CDH3: variants seen among roughly 807,000 people sequenced by gnomAD.
The protein encoded by CDH3 is cadherin 3.
In CDH3, 54 loss-of-function variants were observed where a neutral mutation model predicts 82.0. The ratio of observed to expected loss-of-function variants is 0.66; its 90% CI spans 0.53 to 0.83. CDH3 has a LOEUF of 0.83. CDH3 is among the 40% of genes least tolerant of loss of function. CDH3 has a pLI of 0.00. For synonymous variants in CDH3, 446 were observed against 437.9 expected (o/e 1.02, Z -0.23); for missense variants, 1,054 against 1,084.6 (o/e 0.97, Z 0.40).
Position 68,698,159 on chromosome 16 carries a change from C to T in CDH3, c.2281-32C>T, listed in dbSNP as rs189179742. 503 of 1,605,904 alleles carry T rather than the reference C, an allele frequency of 3.1e-4. 2 individuals carry two copies. In the African/African-American group the frequency reaches 5.4e-3, roughly 17 times the overall value. ...GCAGCTGGCAAGAGGCAGGACCCGC[C>T]GCTCCTAACTACCTGTTCTCTGTTG... is the stretch of plus-strand genomic sequence containing the variant. On this transcript the variant is annotated intron_variant, in intron 15 of 15. Transcript: ENST00000264012.
intron 1 of CDH3, among the ~76,000 whole-genome samples, chr16:68,721,229 CTTTTTTTT>C (rs71148941): frequency 8.7e-6 from 1 of 114,586 alleles, no homozygotes; most frequent in African/African-American, 3.4e-5. Flanking sequence ...GCAGTTTAGT[CTTTTTTTT>C]TTTTTTTTTT....
chr16:68,679,061 A>G (rs1961127929), intron 6 of CDH3, among the ~76,000 whole-genome samples, 155 bp downstream of exon 6: 1 of 152,202 alleles, frequency 6.6e-6, no homozygotes, highest in African/African-American at 2.4e-5. Flanking sequence ...AGGTTCCTGA[A>G]TAAGAATGAT....
At chr16:68,668,026 C>T (rs1055952150) in intron 2 of CDH3, among the ~76,000 whole-genome samples, 1 of 152,172 alleles carries the variant, frequency 6.6e-6, no homozygotes, top group African/African-American at 2.4e-5. Flanking sequence ...CATTTAGGCT[C>T]AGTGCTAAAA....
downstream of CDH3, among the ~76,000 whole-genome samples, chr16:68,728,110 A>G: frequency 6.6e-6 from 1 of 152,174 alleles, no homozygotes; most frequent in Non-Finnish European, 1.5e-5. Flanking sequence ...TAAATAATAA[A>G]TAAAACGATA....
chr16:68,676,310 G>C, intron 2 of CDH3, 75 bp from the exon 3 acceptor site: 1 of 1,025,680 alleles, frequency 9.7e-7, no homozygotes, highest in Non-Finnish European at 1.5e-6. Flanking sequence ...GAGGACTCTT[G>C]TCAGTCTTGT....
At chr16:68,668,214 C>A (rs777787491) in intron 2 of CDH3, among the ~76,000 whole-genome samples, 4 of 152,194 alleles carry the variant, frequency 2.6e-5, no homozygotes, top group Non-Finnish European at 5.9e-5. Context: ...AAATTCTGAA[C>A]TATTGCCCCA....
downstream of CDH3, among the ~76,000 whole-genome samples, chr16:68,731,750 T>C (rs1962295884): frequency 6.6e-6 from 1 of 151,466 alleles, no homozygotes; most frequent in African/African-American, 2.4e-5. Flanking sequence ...GGTGGGAGGA[T>C]TGGCTTGAGC....
At chr16:68,654,991 G>GCAC (rs1960375211) in intron 2 of CDH3, among the ~76,000 whole-genome samples, 1 of 152,064 alleles carries the variant, frequency 6.6e-6, no homozygotes, top group African/African-American at 2.4e-5. Flanking sequence ...AGCCGAGATT[G>GCAC]CACCACTGCA....
chr16:68,663,410 A>G (rs1488744428), intron 2 of CDH3, among the ~76,000 whole-genome samples: 1 of 149,516 alleles, frequency 6.7e-6, no homozygotes, highest in African/African-American at 2.5e-5. Context: ...TTTTTTTTGT[A>G]TTTTTAGTAG....
intron 1 of CDH3, among the ~76,000 whole-genome samples, chr16:68,715,241 C>A (rs969998840): frequency 3.3e-5 from 5 of 151,738 alleles, no homozygotes; most frequent in African/African-American, 1.2e-4. Context: ...GCCGTGCCAA[C>A]ATAGCAAAAC....
At chr16:68,675,510 A>G (rs1034081422) in intron 2 of CDH3, among the ~76,000 whole-genome samples, 21 of 152,282 alleles carry the variant, frequency 1.4e-4, no homozygotes, top group Admixed American at 1.4e-3. Context: ...AATCTTTGGA[A>G]AGGCGGCTGG....
intron 1 of CDH3, among the ~76,000 whole-genome samples, chr16:68,715,639 A>G (rs1962086521): frequency 6.6e-6 from 1 of 152,188 alleles, no homozygotes; most frequent in Non-Finnish European, 1.5e-5. Flanking sequence ...CTTGGTGCAC[A>G]GCATTTTAAT....
intron 2 of CDH3, among the ~76,000 whole-genome samples, chr16:68,647,413 A>G (rs1474707912): frequency 6.6e-6 from 1 of 152,116 alleles, no homozygotes; most frequent in African/African-American, 2.4e-5. Context: ...AGCAGTGATC[A>G]GGTTTTCGAT....
At chr16:68,686,288 C>A (rs557418573) in intron 11 of CDH3, 1 of 691,536 alleles carries the variant, frequency 1.4e-6, no homozygotes, top group Non-Finnish European at 2.6e-6. Context: ...TGCACCCAGG[C>A]GGTCTTTTCA....
intron 7 of CDH3, 113 bp from the exon 8 acceptor site, chr16:68,680,855 G>T: frequency 8.5e-7 from 1 of 1,174,876 alleles, no homozygotes; most frequent in Non-Finnish European, 1.3e-6. Flanking sequence ...CGTTATGATA[G>T]GGAGAGATCC....
At position 68,691,863 on chromosome 16, in the gene CDH3, T is replaced by G; in HGVS notation, c.1939T>G (p.Cys647Gly). 1 of 1,614,118 alleles carries G rather than the reference T, an allele frequency of 6.2e-7. No individual in the cohort carries two copies. Among genetic ancestry groups the G allele is most frequent in the Non-Finnish European group, 8.5e-7 (1 of 1,180,026 alleles). Residue 647 changes from cysteine (C) to glycine (G), a missense_variant, in exon 13 of 16, where the codon TGC (cysteine) becomes GGC (glycine). Coordinates refer to ENST00000264012, the MANE Select transcript of CDH3 (RefSeq NM_001793.6). Reference sequence around the variant, plus strand: ...CGACTGCCATGGCCATGTCGAAACCTGCCCTGGACCCTGGAAGGGAGGTTT... The same window carrying G: ...CGACTGCCATGGCCATGTCGAAACCGGCCCTGGACCCTGGAAGGGAGGTTT... ...VCDCHGHVET[C>G]PGPWKGGFIL... is the part of the protein sequence containing the mutation.
chr16:68,695,406 G>A, intron 14 of CDH3, 21 bp downstream of exon 14: 1 of 1,594,998 alleles, frequency 6.3e-7, no homozygotes, highest in Non-Finnish European at 8.5e-7. Flanking sequence ...GGGGGCTCTG[G>A]GATTGGGAGG....
chr16:68,696,912 T>C (rs190580282), intron 15 of CDH3: 2 of 152,058 alleles, frequency 1.3e-5, no homozygotes, highest in Non-Finnish European at 2.9e-5. Flanking sequence ...ACAAACAACA[T>C]GCACACAGCG....
intron 1 of CDH3, among the ~76,000 whole-genome samples, chr16:68,716,056 A>G (rs1473517826): frequency 6.6e-6 from 1 of 151,938 alleles, no homozygotes; most frequent in African/African-American, 2.4e-5. Flanking sequence ...ATCACCTGAA[A>G]TCAGGAATTC....
Sources: gnomAD v4.1 joint callset for allele counts (sites outside exome capture counted in the v4.1 genomes callset) on GRCh38, gnomAD v4.1.1 for gene constraint, MANE v1.5 for transcripts, NCBI Gene and HGNC (gene_info 2026-07-23, HGNC 2026-07-21) for gene names.